The following ARPC4 variants were observed in gnomAD, a reference collection of about 807,000 sequenced individuals.
ARPC4 encodes the protein actin related protein 2/3 complex subunit 4.
Under a neutral mutation model 22.8 loss-of-function variants are expected in ARPC4, and 3 were observed. The ratio of observed to expected loss-of-function variants is 0.13; its 90% CI spans 0.06 to 0.34. The LOEUF (loss-of-function observed/expected upper bound fraction) is 0.34. Ranked by LOEUF, ARPC4 falls within the 10% of genes least tolerant of loss-of-function variation. ARPC4 has a pLI of 1.00. For missense variants in ARPC4, 98 were observed against 211.0 expected, an observed-to-expected ratio of 0.46 and a Z score of 3.32; for synonymous variants, 80 against 72.5, an observed-to-expected ratio of 1.10 and a Z score of -0.52.
At chr3:9,802,525 A>G (rs1336159680) in intron 4 of ARPC4, among the ~76,000 whole-genome samples, 71 of 150,060 alleles carry the variant, frequency 4.7e-4, no homozygotes, top group African/African-American at 1.7e-3. Context: ...ACAGGCGCCC[A>G]CCACCACACC....
chr3:9,793,259 G>T, intron 1 of ARPC4, 135 bp downstream of exon 1: 1 of 1,417,106 alleles, frequency 7.1e-7, no homozygotes, highest in South Asian at 1.4e-5. Context: ...CGATGAGGGT[G>T]GGAAAAAGAG....
chr3:9,796,164 T>G (rs1170376256), intron 1 of ARPC4, among the ~76,000 whole-genome samples: 1 of 151,516 alleles, frequency 6.6e-6, no homozygotes, highest in African/African-American at 2.4e-5. Flanking sequence ...GAGGCCGAGG[T>G]GGGCGGATTG....
chr3:9,792,737 A>G (rs2078771941), upstream of ARPC4: 2 of 1,240,494 alleles, frequency 1.6e-6, no homozygotes, highest in South Asian at 3.6e-5. Flanking sequence ...ATGGGGGTAC[A>G]GAACCGGAAG....
intron 1 of ARPC4, among the ~76,000 whole-genome samples, chr3:9,796,724 A>G (rs557039962): frequency 3.3e-4 from 50 of 152,230 alleles, no homozygotes; most frequent in South Asian, 1.2e-3. Flanking sequence ...GGCAGATTAC[A>G]AGGTCAGGAG....
At chr3:9,799,336 T>C (rs534706451) in intron 2 of ARPC4, among the ~76,000 whole-genome samples, 1 of 152,342 alleles carries the variant, frequency 6.6e-6, no homozygotes, top group East Asian at 1.9e-4. Flanking sequence ...TATTTCAGAT[T>C]GTGGAATATT....
At chr3:9,792,781 AT>A, upstream of ARPC4, 1 of 1,260,394 alleles carries the variant, frequency 7.9e-7, no homozygotes, top group Non-Finnish European at 1.0e-6. Flanking sequence ...GCTTGTCCTA[AT>A]TTGGTGCCCA....
At chr3:9,795,253 G>C (rs1239232548) in intron 1 of ARPC4, among the ~76,000 whole-genome samples, 1 of 152,080 alleles carries the variant, frequency 6.6e-6, no homozygotes, top group Non-Finnish European at 1.5e-5. Context: ...ACCCACCTCG[G>C]CCTCCCAAAG....
At chr3:9,799,235 A>G (rs551635100) in intron 2 of ARPC4, among the ~76,000 whole-genome samples, 1 of 152,304 alleles carries the variant, frequency 6.6e-6, no homozygotes, top group South Asian at 2.1e-4. Context: ...CCTTACCTCT[A>G]AGACAGGTGT....
intron 4 of ARPC4, chr3:9,803,391 G>C (rs1431909654): frequency 2.5e-6 from 1 of 396,124 alleles, no homozygotes; most frequent in African/African-American, 2.1e-5. Context: ...TTTCTCTCCT[G>C]GTCCTAGATC....
chr3:9,806,503 G>T lies in ARPC4; in HGVS notation c.*288G>T. 6 of 436,418 alleles carry T rather than the reference G, an allele frequency of 1.4e-5. No individual in the cohort carries two copies. Among genetic ancestry groups the T allele is most frequent in the South Asian group, 2.9e-5 (1 of 34,772 alleles). 27.0% of individuals were successfully genotyped at this position (436,418 alleles called of 1,614,324 possible). On this transcript the variant is annotated 3_prime_UTR_variant, in exon 6 of 6. Transcript: ENST00000397261. Reference sequence around the variant, plus strand: ...TTAAACTCTGTGCTTGTAGGATACTGTAACCTTTTTGTCTTTTTTTTTTTT... The same window carrying T: ...TTAAACTCTGTGCTTGTAGGATACTTTAACCTTTTTGTCTTTTTTTTTTTT...
chr3:9,797,872 C>A, intron 2 of ARPC4, 95 bp downstream of exon 2: 1 of 1,265,024 alleles, frequency 7.9e-7, no homozygotes, highest in South Asian at 1.5e-5. Context: ...CTGCAGTAGT[C>A]AGGAAAGCTG....
chr3:9,797,232 G>A (rs1371127267), intron 1 of ARPC4, among the ~76,000 whole-genome samples: 1 of 152,132 alleles, frequency 6.6e-6, no homozygotes, highest in Non-Finnish European at 1.5e-5. Flanking sequence ...ATTCACTGGT[G>A]TGTCTCTAGA....
chr3:9,804,151 AGGTCAGTCAGGTGCTTT>A, intron 5 of ARPC4, 138 bp downstream of exon 5: 1 of 891,124 alleles, frequency 1.1e-6, no homozygotes, highest in South Asian at 2.0e-5. Flanking sequence ...GGGGCACAGC[AGGTCAGTCAGGTGCTTT>A]GGAGCTAGAG....
In ARPC4 at chr3:9,806,516, CTTTTTTT is replaced by C. The variant is rs55966635; in HGVS notation, c.*316_*322del. Reference sequence around the variant, plus strand: ...TTGTAGGATACTGTAACCTTTTTGTCTTTTTTTTTTTTTTTTTTTTTAAACCTCCACC... The same window carrying C: ...TTGTAGGATACTGTAACCTTTTTGTCTTTTTTTTTTTTTTAAACCTCCACC... On this transcript the variant is annotated 3_prime_UTR_variant, in exon 6 of 6. Transcript: ENST00000397261. 12 of 232,136 alleles carry C rather than the reference CTTTTTTT, an allele frequency of 5.2e-5. No individual in the cohort carries two copies. The highest frequency in any genetic ancestry group is 1.5e-4 in the South Asian group (3 of 20,040). The allele number at this position is 232,136 out of a possible 1,614,324, so 14.4% of individuals were successfully genotyped here. A position where few individuals can be genotyped will look rare whatever the true frequency, so the allele number is the denominator to read the frequency against.
At chr3:9,801,357 G>T (rs1032256666) in intron 3 of ARPC4, among the ~76,000 whole-genome samples, 1 of 152,078 alleles carries the variant, frequency 6.6e-6, no homozygotes, top group Admixed American at 6.6e-5. Context: ...AACACCCTGG[G>T]AAATGTGACA....
chr3:9,793,042 C>G (rs930277891), upstream of ARPC4: 1 of 1,543,106 alleles, frequency 6.5e-7, no homozygotes, highest in Non-Finnish European at 8.7e-7. Context: ...GAGACCGTAG[C>G]TGCGCTTCTC....
intron 1 of ARPC4, 93 bp from the exon 2 acceptor site, chr3:9,797,566 T>C (rs959572950): frequency 2.1e-6 from 3 of 1,413,476 alleles, no homozygotes; most frequent in African/African-American, 2.8e-5. Flanking sequence ...GCACCCTCAG[T>C]GCTACCTGGC....
At chr3:9,798,197 A>G (rs1344416990) in intron 2 of ARPC4, 1 of 150,180 alleles carries the variant, frequency 6.7e-6, no homozygotes, top group Admixed American at 6.8e-5. Flanking sequence ...CTACCAGCCT[A>G]GACACTCTGA....
Position 9,806,516 on chromosome 3 carries a change from CTTTTTTTT to C in ARPC4, c.*315_*322del, listed in dbSNP as rs55966635. On this transcript the variant is annotated 3_prime_UTR_variant, in exon 6 of 6. Transcript: ENST00000397261. ...TTGTAGGATACTGTAACCTTTTTGT[CTTTTTTTT>C]TTTTTTTTTTTTTAAACCTCCACCT... The C allele has an allele frequency of 3.4e-5, 8 of 232,368 alleles. No homozygotes were observed. The highest frequency in any genetic ancestry group is 2.8e-5 in the African/African-American group (1 of 35,904). 14.4% of individuals were successfully genotyped at this position (232,368 alleles called of 1,614,324 possible). A position where few individuals can be genotyped will look rare whatever the true frequency, so the allele number is the denominator to read the frequency against.
Sources: allele counts gnomAD v4.1 joint callset (sites outside exome capture counted in the v4.1 genomes callset), GRCh38; gene constraint gnomAD v4.1.1; transcripts MANE v1.5; gene names NCBI Gene and HGNC (gene_info 2026-07-23, HGNC 2026-07-21).